MDN1: variants seen among roughly 807,000 people sequenced by gnomAD.
MDN1 encodes the protein midasin AAA ATPase 1.
In MDN1, 266 loss-of-function variants were observed where a neutral mutation model predicts 669.2. The ratio of observed to expected loss-of-function variants is 0.40; its 90% confidence interval spans 0.36 to 0.44. The LOEUF (loss-of-function observed/expected upper bound fraction) is 0.44, where lower values mean the gene tolerates loss of function less well. MDN1 is among the 20% of genes least tolerant of loss of function. MDN1 has a pLI of 1.00. For synonymous variants in MDN1, 2,385 were observed against 2,457.1 expected (o/e 0.97, Z 0.87); for missense variants, 5,940 against 6,754.0 (o/e 0.88, Z 4.22).
At chr6:89,785,164 C>T (rs1374589017) in intron 8 of MDN1, 38 bp from the exon 9 acceptor site, 2 of 1,459,376 alleles carry the variant, frequency 1.4e-6, no homozygotes, top group Admixed American at 1.7e-5. Flanking sequence ...ACACAAAATT[C>T]CAAATTTTAA....
In MDN1 at chr6:89,696,697, C is replaced by CA. The variant is rs1476061247; in HGVS notation, c.9169-124dup. On this transcript the variant is annotated intron_variant, in intron 59 of 101. Coordinates refer to ENST00000369393, the MANE Select transcript of MDN1 (RefSeq NM_014611.3). ...TTGCTTGGAACAGGTAAGCATCACTCAGAGACTGGCCTAGAAGGACAGAAC... is the reference window on the plus strand; with the variant it reads ...TTGCTTGGAACAGGTAAGCATCACTCAAGAGACTGGCCTAGAAGGACAGAAC... 1.0e-5 allele frequency: 7 copies of CA among 683,950 alleles called. No individual in the cohort carries two copies. The East Asian group carries it at 1.9e-4, about 18-fold the overall frequency. The allele number at this position is 683,950 out of a possible 1,614,324, so 42.4% of individuals were successfully genotyped here. A position where few individuals can be genotyped will look rare whatever the true frequency, so the allele number is the denominator to read the frequency against.
chr6:89,712,650 G>A lies in MDN1; in HGVS notation c.7355C>T (p.Ser2452Phe). The change falls in exon 48 of 102, where the codon TCT (serine) becomes TTT (phenylalanine). Residue 2452 changes from serine to phenylalanine, a missense_variant. This residue lies in a region of MDN1 where 2,292 missense variants were observed against 2,638.3 expected (regional missense o/e 0.87). Transcript: ENST00000369393. The part of the protein sequence containing the change: ...ALFATEDSHL[S>F]TVRRDGQILV... ...GATCTGTCCATCTCTTCGGACTGTAGACAGGTGTGAATCTTCAGTAGCAAA... is the reference window on the plus strand; with the variant it reads ...GATCTGTCCATCTCTTCGGACTGTAAACAGGTGTGAATCTTCAGTAGCAAA... 6.2e-7 allele frequency: 1 copy of A among 1,614,148 alleles called. No homozygotes were observed. Among genetic ancestry groups the A allele is most frequent in the Non-Finnish European group, 8.5e-7 (1 of 1,180,002 alleles).
intron 22 of MDN1, among the ~76,000 whole-genome samples, 196 bp from the exon 23 acceptor site, chr6:89,751,778 A>T (rs578026168): frequency 6.6e-6 from 1 of 152,326 alleles, no homozygotes; most frequent in South Asian, 2.1e-4. Context: ...TTTAAAACTG[A>T]AGTGGAGTAG....
chr6:89,798,181 CAAAAAAAAAAA>C (rs10706907), intron 2 of MDN1, among the ~76,000 whole-genome samples: 1 of 71,512 alleles, frequency 1.4e-5, no homozygotes, highest in African/African-American at 5.6e-5. Context: ...GACTCTGTCT[CAAAAAAAAAAA>C]AAAAAAAAAA....
At chr6:89,789,974 T>C in intron 6 of MDN1, 63 bp from the exon 7 acceptor site, 2 of 1,593,698 alleles carry the variant, frequency 1.3e-6, no homozygotes, top group Non-Finnish European at 1.7e-6. Context: ...GCTACATCCT[T>C]TGATTAACTG....
At chr6:89,744,413 T>TCCAAAAATAATAATAA (rs1404747353) in intron 29 of MDN1, among the ~76,000 whole-genome samples, 1 of 151,258 alleles carries the variant, frequency 6.6e-6, no homozygotes, top group Non-Finnish European at 1.5e-5. Flanking sequence ...AGACTCCATC[T>TCCAAAAATAATAATAA]TTTTTTTAGT....
At chr6:89,678,464 T>A in intron 75 of MDN1, 135 bp downstream of exon 75, 1 of 951,522 alleles carries the variant, frequency 1.1e-6, no homozygotes, top group Non-Finnish European at 1.5e-6. Context: ...CTCTTAGACA[T>A]CTGGAAACCT....
At chr6:89,653,189 A>G (rs746855855) in intron 93 of MDN1, 34 bp from the exon 94 acceptor site, 2 of 1,586,986 alleles carry the variant, frequency 1.3e-6, no homozygotes, top group African/African-American at 1.4e-5. Context: ...TTTACTTATA[A>G]TATTAGCCTG....
In MDN1 at chr6:89,733,528, C is replaced by T. The variant is rs572617687; in HGVS notation, c.4724-753G>A. The stretch of plus-strand genomic sequence containing the variant: ...AAGAAAAGATTAGAAGGAAGCACTG[C>T]TATAATATAAAGCAGCCTCCAAAAG... On this transcript the variant is annotated intron_variant, in intron 33 of 101. Coordinates refer to ENST00000369393, the MANE Select transcript of MDN1 (RefSeq NM_014611.3). 1.5e-4 allele frequency among the ~76,000 whole-genome samples: 23 copies of T among 151,164 alleles called. No individual in the cohort carries two copies. The South Asian group carries it at 4.4e-3, about 29-fold the overall frequency.
chr6:89,719,004 C>T lies in MDN1; in HGVS notation c.6084G>A (p.Gly2028=). The change falls in exon 42 of 102, where the codon GGG becomes GGA. Residue 2028 remains glycine, a synonymous_variant. Transcript: ENST00000369393. ...GGCGGGACGGGTGAGGAACACAGCT[C>T]CCACGGGAAAGGACTGAGTAGCCCA... The part of the protein sequence containing the change: ...VQLGYSVLSR[G]SCVPHPSRHP... 6.2e-7 allele frequency: 1 copy of T among 1,614,110 alleles called. No individual in the cohort carries two copies. Among genetic ancestry groups the T allele is most frequent in the Non-Finnish European group, 8.5e-7 (1 of 1,180,028 alleles).
chr6:89,767,820 AG>A (rs1817873635), intron 15 of MDN1, among the ~76,000 whole-genome samples: 1 of 151,946 alleles, frequency 6.6e-6, no homozygotes, highest in African/African-American at 2.4e-5. Flanking sequence ...TCAAGGTGGG[AG>A]GATCATTTTA....
chr6:89,751,440 A>G lies in MDN1; in HGVS notation c.3218T>C (p.Val1073Ala), dbSNP rs765458095. The change falls in exon 23 of 102, where the codon GTC becomes GCC. Residue 1073 changes from valine to alanine, a missense_variant. Physicochemically the swap from Val to Ala is moderately conservative, Grantham distance 64 (BLOSUM62 0). This residue lies in a region of MDN1 where 15 missense variants were observed against 36.2 expected (regional missense o/e 0.41). Transcript: ENST00000369393. ...AAAAAAGCCCACACACCCTGCAGAG[A>G]CAACTCGGACTATATCTCTCAGGTT... ...KLNLRDIVRVVSAGTYPVLIQ... is the reference protein window; with the variant it reads ...KLNLRDIVRVASAGTYPVLIQ... 6.2e-7 allele frequency: 1 copy of G among 1,614,164 alleles called. No homozygotes were observed. The highest frequency in any genetic ancestry group is 1.3e-5 in the African/African-American group (1 of 75,038).
intron 2 of MDN1, among the ~76,000 whole-genome samples, chr6:89,799,261 T>C (rs1474825565): frequency 6.6e-6 from 1 of 152,216 alleles, no homozygotes; most frequent in Non-Finnish European, 1.5e-5. Context: ...CCACCCACTA[T>C]TGCTCTTACC....
Position 89,692,756 on chromosome 6 carries a change from C to T in MDN1, c.10274G>A (p.Ser3425Asn), listed in dbSNP as rs759305335. ...CCCCAGCCTGTCTGCACCAACCATA[C>T]TGCTGTGGAGTGAGGTGTGGAGCTC... ...ASELHTSLHSSMVGADRLGTL... is the reference protein window; with the variant it reads ...ASELHTSLHSNMVGADRLGTL... Residue 3425 changes from serine (S) to asparagine (N), a missense_variant, in exon 63 of 102, where the codon AGT (serine) becomes AAT (asparagine). This residue lies in a region of MDN1 where 150 missense variants were observed against 234.2 expected (regional missense o/e 0.64). Coordinates refer to ENST00000369393, the MANE Select transcript of MDN1 (RefSeq NM_014611.3). 5.6e-6 allele frequency: 9 copies of T among 1,613,962 alleles called. No individual in the cohort carries two copies. The highest frequency in any genetic ancestry group is 7.6e-6 in the Non-Finnish European group (9 of 1,179,866).
Position 89,674,579 on chromosome 6 carries a change from T to C in MDN1, c.12772A>G (p.Ser4258Gly). ...CTGCTGTGAATCTCTTGCACACAGC[T>C]GAGGAGGTTCCTGTACAGAGAAACC... ...EQWIILRNLLSCVQEIHSRLM... is the reference protein window; with the variant it reads ...EQWIILRNLLGCVQEIHSRLM... The change falls in exon 79 of 102, where the codon AGC becomes GGC. Residue 4258 changes from serine (S) to glycine (G), a missense_variant. Ser to Gly is a moderately conservative substitution (Grantham distance 56, BLOSUM62 0). Around this residue, in one of 5 missense-constraint regions of MDN1, gnomAD observed 2,280 missense variants for 2,576.3 expected, o/e 0.88. Coordinates refer to ENST00000369393, the MANE Select transcript of MDN1 (RefSeq NM_014611.3). 1 of 1,565,462 alleles carries C rather than the reference T, an allele frequency of 6.4e-7. No homozygotes were observed. The highest frequency in any genetic ancestry group is 1.2e-5 in the South Asian group (1 of 86,008).
Position 89,692,877 on chromosome 6 carries a change from G to C in MDN1, c.10153C>G (p.Arg3385Gly). The change falls in exon 63 of 102, where the codon CGG becomes GGG. Residue 3385 changes from arginine (R) to glycine (G), a missense_variant. By Grantham distance (125) the Arg-to-Gly change is moderately radical. This residue lies in a region of MDN1 where 150 missense variants were observed against 234.2 expected (regional missense o/e 0.64). Coordinates refer to ENST00000369393, the MANE Select transcript of MDN1 (RefSeq NM_014611.3). The stretch of plus-strand genomic sequence containing the variant: ...TAGAAGGTGTACTCCTCTGACAGCC[G>C]CTTCCGGAACTGGTGGTGTGACTGC... The part of the protein sequence containing the change: ...WQQSHHQFRK[R>G]LSEEYTFYPD... 1 of 1,614,234 alleles carries C rather than the reference G, an allele frequency of 6.2e-7. No homozygotes were observed. The highest frequency in any genetic ancestry group is 8.5e-7 in the Non-Finnish European group (1 of 1,180,034).
chr6:89,713,949 G>A (rs1172390546), intron 46 of MDN1, among the ~76,000 whole-genome samples: 1 of 151,234 alleles, frequency 6.6e-6, no homozygotes, highest in African/African-American at 2.4e-5. Context: ...TGAGGCAGAA[G>A]AATGGCATGA....
At chr6:89,791,920 T>A (rs1355034835) in intron 5 of MDN1, among the ~76,000 whole-genome samples, 1 of 138,090 alleles carries the variant, frequency 7.2e-6, no homozygotes, top group South Asian at 2.2e-4. Flanking sequence ...CACTCTGGAG[T>A]GCAGTGGCAC....
In MDN1 at chr6:89,688,658, C is replaced by A; in HGVS notation, c.11174G>T (p.Arg3725Leu). ...FYQHPNVPEA[R>L]QCQPVLQGFS... ...ACCTTGAAGCACAGGTTGACACTGCCGTGCTTCTGGAACATTGGGATGCTG... is the reference window on the plus strand; with the variant it reads ...ACCTTGAAGCACAGGTTGACACTGCAGTGCTTCTGGAACATTGGGATGCTG... Residue 3725 changes from arginine to leucine, a missense_variant, in exon 66 of 102, where the codon CGG becomes CTG. Physicochemically the swap from Arg to Leu is moderately radical, Grantham distance 102 (BLOSUM62 -2). Transcript: ENST00000369393. The A allele has an allele frequency of 6.2e-7, 1 of 1,614,152 alleles. No homozygotes were observed. The highest frequency in any genetic ancestry group is 2.2e-5 in the East Asian group (1 of 44,878).
Sources: allele counts gnomAD v4.1 joint callset (sites outside exome capture counted in the v4.1 genomes callset), GRCh38; gene constraint gnomAD v4.1.1; regional missense constraint gnomAD v4.1.1; transcripts MANE v1.5; gene names NCBI Gene and HGNC (gene_info 2026-07-23, HGNC 2026-07-21).